Variants in CRIM1 observed in about 807,000 individuals in gnomAD.
CRIM1 encodes cysteine-rich motor neuron 1 protein.
Under a neutral mutation model 116.4 loss-of-function variants are expected in CRIM1, and 32 were observed. The ratio of observed to expected loss-of-function variants is 0.27; its 90% confidence interval spans 0.21 to 0.37. The LOEUF (loss-of-function observed/expected upper bound fraction) is 0.37, where lower values mean the gene tolerates loss of function less well. CRIM1 is among the 10% of genes least tolerant of loss of function. CRIM1 has a pLI of 1.00. For synonymous variants in CRIM1, 590 were observed against 509.2 expected (o/e 1.16, Z -2.13); for missense variants, 1,331 against 1,354.8 (o/e 0.98, Z 0.28).
chr2:36,407,273 G>T (rs1293740757), intron 2 of CRIM1, among the ~76,000 whole-genome samples: 2 of 152,202 alleles, frequency 1.3e-5, no homozygotes, highest in East Asian at 3.9e-4. Context: ...ATGTATATCT[G>T]TAAACACAGA....
intron 4 of CRIM1, among the ~76,000 whole-genome samples, chr2:36,457,135 T>G (rs904029009): frequency 2.0e-4 from 30 of 152,038 alleles, no homozygotes; most frequent in African/African-American, 7.2e-4. Context: ...ATATTTTATT[T>G]TATTTTTATT....
intron 5 of CRIM1, among the ~76,000 whole-genome samples, chr2:36,473,127 G>A (rs1047462780): frequency 3.3e-5 from 5 of 152,122 alleles, no homozygotes; most frequent in Non-Finnish European, 7.4e-5. Flanking sequence ...TTCTTAGCGG[G>A]GTTGTTATAA....
chr2:36,538,400 TC>T (rs1666705528), intron 14 of CRIM1, among the ~76,000 whole-genome samples: 1 of 149,326 alleles, frequency 6.7e-6, no homozygotes, highest in Non-Finnish European at 1.5e-5. Context: ...CACTCTAAGA[TC>T]TCATTGAGGT....
chr2:36,424,791 G>A (rs554149194), intron 2 of CRIM1, among the ~76,000 whole-genome samples: 1 of 152,056 alleles, frequency 6.6e-6, no homozygotes, highest in South Asian at 2.1e-4. Flanking sequence ...GAGCCTCAAT[G>A]GATATCTCAC....
intron 13 of CRIM1, among the ~76,000 whole-genome samples, chr2:36,534,006 G>T (rs928261926): frequency 7.0e-6 from 1 of 143,524 alleles, no homozygotes; most frequent in Non-Finnish European, 1.5e-5. Flanking sequence ...AGGAAGGAAG[G>T]AAAGGAGGGA....
intron 1 of CRIM1, among the ~76,000 whole-genome samples, chr2:36,395,529 G>A (rs1382620912): frequency 2.0e-5 from 3 of 152,132 alleles, no homozygotes; most frequent in Non-Finnish European, 4.4e-5. Flanking sequence ...GAGAGAAATA[G>A]TCTAATTTCC....
chr2:36,443,727 G>A (rs527628059), intron 4 of CRIM1, among the ~76,000 whole-genome samples: 1 of 152,100 alleles, frequency 6.6e-6, no homozygotes, highest in Non-Finnish European at 1.5e-5. Flanking sequence ...GGTAAGGTAA[G>A]TATCAGTTAT....
intron 11 of CRIM1, 139 bp downstream of exon 11, chr2:36,513,904 C>T (rs901725289): frequency 5.5e-5 from 38 of 686,604 alleles, no homozygotes; most frequent in Non-Finnish European, 8.4e-5. Context: ...TTTTTGTCAA[C>T]CACCACCACA....
intron 13 of CRIM1, among the ~76,000 whole-genome samples, chr2:36,533,962 G>A (rs1666299115): frequency 6.8e-6 from 1 of 147,666 alleles, no homozygotes; most frequent in Non-Finnish European, 1.5e-5. Context: ...AAGAGGGTGG[G>A]AGGGAAAGGG....
chr2:36,357,731 C>T (rs1668948408), intron 1 of CRIM1, among the ~76,000 whole-genome samples: 1 of 152,114 alleles, frequency 6.6e-6, no homozygotes, highest in African/African-American at 2.4e-5. Context: ...GCAGAGCGCA[C>T]GCAGCAGCCT....
At chr2:36,510,175 G>A in intron 9 of CRIM1, 36 bp downstream of exon 9, 1 of 1,580,680 alleles carries the variant, frequency 6.3e-7, no homozygotes, top group Middle Eastern at 1.7e-4. Flanking sequence ...CTATTATGAA[G>A]TGCAACTTGG....
rs371891224 is a variant in CRIM1, at chr2:36,498,900, A to G, written c.1373-319A>G. ...AGGAAGAAATAGAAGAGCAGTTAACAATTTAAACAGAGTTCATGTTAACCT... is the reference window on the plus strand; with the variant it reads ...AGGAAGAAATAGAAGAGCAGTTAACGATTTAAACAGAGTTCATGTTAACCT... On this transcript the variant is annotated intron_variant, in intron 7 of 16. Transcript: ENST00000280527. Among the ~76,000 whole-genome samples the G allele has an allele frequency of 2.0e-5, 3 of 152,370 alleles. No homozygotes were observed. In the South Asian group the frequency reaches 6.2e-4, roughly 32 times the overall value.
intron 2 of CRIM1, among the ~76,000 whole-genome samples, chr2:36,425,705 A>G (rs1674395530): frequency 1.3e-5 from 2 of 152,208 alleles, no homozygotes; most frequent in African/African-American, 4.8e-5. Context: ...TCAGAGGCTC[A>G]GATGAGGTGG....
chr2:36,446,291 T>C (rs1380431101), intron 4 of CRIM1, among the ~76,000 whole-genome samples: 1 of 152,186 alleles, frequency 6.6e-6, no homozygotes, highest in Non-Finnish European at 1.5e-5. Context: ...CCCATTTCTG[T>C]GTGAGCTTGA....
Position 36,550,067 on chromosome 2 carries a change from G to GCGCA in CRIM1, c.*1369_*1370insACGC, listed in dbSNP as rs1553339219. On this transcript the variant is annotated 3_prime_UTR_variant, in exon 17 of 17. Transcript: ENST00000280527. The stretch of plus-strand genomic sequence containing the variant: ...TGTGTGTGTGTGTGTGTGTGTGTGT[G>GCGCA]CGCGCGCACGCACGCCTTGAGCAGT... The GCGCA allele has an allele frequency of 9.3e-6, 1 of 107,412 alleles. No homozygotes were observed. Among genetic ancestry groups the GCGCA allele is most frequent in the African/African-American group, 3.5e-5 (1 of 28,178 alleles). 6.7% of individuals were successfully genotyped at this position (107,412 alleles called of 1,614,324 possible).
chr2:36,544,182 A>C (rs1470070174), intron 14 of CRIM1, among the ~76,000 whole-genome samples, 194 bp from the exon 15 acceptor site: 1 of 152,234 alleles, frequency 6.6e-6, no homozygotes, highest in East Asian at 1.9e-4. Flanking sequence ...TAAATGTTAT[A>C]AGACATGTTT....
At chr2:36,429,772 A>G (rs1674734880) in intron 2 of CRIM1, among the ~76,000 whole-genome samples, 1 of 152,194 alleles carries the variant, frequency 6.6e-6, no homozygotes, top group African/African-American at 2.4e-5. Context: ...ACCCAAGACC[A>G]GGGGATAAGA....
chr2:36,464,463 T>G (rs1677838212), intron 4 of CRIM1, 71 bp from the exon 5 acceptor site: 2 of 1,573,178 alleles, frequency 1.3e-6, no homozygotes, highest in Admixed American at 3.4e-5. Flanking sequence ...ACTGCCACTT[T>G]GTTTGTGGTC....
chr2:36,374,527 C>G (rs960000869), intron 1 of CRIM1, among the ~76,000 whole-genome samples: 2 of 152,052 alleles, frequency 1.3e-5, no homozygotes, highest in African/African-American at 2.4e-5. Context: ...GTTTTTTATC[C>G]CCATCTAACA....
Sources: gnomAD v4.1 joint callset for allele counts (sites outside exome capture counted in the v4.1 genomes callset) on GRCh38, gnomAD v4.1.1 for gene constraint, MANE v1.5 for transcripts, NCBI Gene and HGNC (gene_info 2026-07-23, HGNC 2026-07-21) for gene names.